The following SRGAP2 variants were observed in gnomAD, a reference collection of about 807,000 sequenced individuals.
SRGAP2 encodes the protein SLIT-ROBO Rho GTPase-activating protein 2.
In SRGAP2, 15 loss-of-function variants were observed where a neutral mutation model predicts 57.2. That is an observed-to-expected ratio of 0.26 (90% CI 0.18 to 0.40). SRGAP2 has a LOEUF of 0.40. Among genes scored for constraint, SRGAP2 ranks in the 10% least tolerant of loss-of-function variants. SRGAP2 has a pLI of 1.00. For synonymous variants in SRGAP2, 249 were observed against 248.0 expected (o/e 1.00, Z -0.04); for missense variants, 520 against 669.6 (o/e 0.78, Z 2.47).
intron 2 of SRGAP2, among the ~76,000 whole-genome samples, chr1:206,277,846 G>T (rs1670501231): frequency 6.6e-6 from 1 of 152,086 alleles, no homozygotes; most frequent in Non-Finnish European, 1.5e-5. Flanking sequence ...CGGCATGGTG[G>T]TGCACGCTTG....
At chr1:206,398,539 G>A (rs544629752) in intron 7 of SRGAP2, among the ~76,000 whole-genome samples, 69 of 152,074 alleles carry the variant, frequency 4.5e-4, no homozygotes, top group African/African-American at 1.3e-3. Flanking sequence ...GGCTTCACTG[G>A]CCCCATCTAC....
At chr1:206,353,796 A>G (rs1223680431) in intron 4 of SRGAP2, among the ~76,000 whole-genome samples, 1 of 145,200 alleles carries the variant, frequency 6.9e-6, no homozygotes, top group Non-Finnish European at 1.5e-5. Context: ...TTTTTATTTC[A>G]GATTTTTTTT....
rs564815525 is a variant in SRGAP2 at position 206,445,412 on chromosome 1, G to A, written c.1875-663G>A. On this transcript the variant is annotated intron_variant, in intron 17 of 22. Transcript: ENST00000573034. Reference sequence around the variant, plus strand: ...AGGAAGCCCGAGCAGAAGCCAAATGGCATGCTGACCTTTTCCTGAAAAAAT... The same window carrying A: ...AGGAAGCCCGAGCAGAAGCCAAATGACATGCTGACCTTTTCCTGAAAAAAT... Among the ~76,000 whole-genome samples the A allele has an allele frequency of 2.2e-4, 33 of 152,300 alleles. No individual in the cohort carries two copies. In the South Asian group the frequency reaches 6.8e-3, roughly 32 times the overall value.
intron 17 of SRGAP2, among the ~76,000 whole-genome samples, chr1:206,445,510 C>A (rs564114887): frequency 6.6e-6 from 1 of 152,336 alleles, no homozygotes; most frequent in South Asian, 2.1e-4. Flanking sequence ...GGAAGAAATT[C>A]ACTGGCTTGA....
intron 17 of SRGAP2, among the ~76,000 whole-genome samples, chr1:206,443,558 G>A (rs1445584622): frequency 6.6e-6 from 1 of 152,048 alleles, no homozygotes; most frequent in Non-Finnish European, 1.5e-5. Context: ...TGTATTTGTA[G>A]TAGAGACAGG....
intron 4 of SRGAP2, among the ~76,000 whole-genome samples, chr1:206,373,006 TTTCTTTCTTTC>T: frequency 8.3e-6 from 1 of 121,086 alleles, no homozygotes; most frequent in Non-Finnish European, 1.7e-5. Flanking sequence ...TCTTTCTTTC[TTTCTTTCTTTC>T]TTTCTTTCTT....
chr1:206,464,254 G>A lies in SRGAP2; in HGVS notation c.*2834G>A, dbSNP rs1301562007. The A allele has an allele frequency of 1.3e-5, 2 of 152,598 alleles. No individual in the cohort carries two copies. Among genetic ancestry groups the A allele is most frequent in the Admixed American group, 6.5e-5 (1 of 15,278 alleles). 9.5% of individuals were successfully genotyped at this position (152,598 alleles called of 1,614,324 possible). A position where few individuals can be genotyped will look rare whatever the true frequency, so the allele number is the denominator to read the frequency against. ...TCTTCCAGGGAATCGCAATGTTGTG[G>A]CGTCTGACTTGTATGTCACATTTGT... On this transcript the variant is annotated 3_prime_UTR_variant, in exon 23 of 23. Coordinates refer to ENST00000573034, the MANE Select transcript of SRGAP2 (RefSeq NM_015326.5).
At chr1:206,450,016 C>G (rs1663127582) in intron 18 of SRGAP2, among the ~76,000 whole-genome samples, 1 of 152,146 alleles carries the variant, frequency 6.6e-6, no homozygotes, top group Non-Finnish European at 1.5e-5. Flanking sequence ...ATGCCGAAAC[C>G]CAGTGTTTCC....
At chr1:206,429,304 A>G (rs1553367461) in intron 13 of SRGAP2, among the ~76,000 whole-genome samples, 1 of 152,108 alleles carries the variant, frequency 6.6e-6, no homozygotes, top group African/African-American at 2.4e-5. Flanking sequence ...CTTTATACCA[A>G]ACAAACCCTC....
intron 15 of SRGAP2, among the ~76,000 whole-genome samples, chr1:206,437,246 A>G (rs1191968410): frequency 6.6e-6 from 1 of 152,174 alleles, no homozygotes; most frequent in East Asian, 1.9e-4. Flanking sequence ...CTTCTTTCGT[A>G]GCCCTACCCA....
chr1:206,298,549 A>G (rs1268209990), intron 2 of SRGAP2, among the ~76,000 whole-genome samples: 1 of 152,156 alleles, frequency 6.6e-6, no homozygotes, highest in Non-Finnish European at 1.5e-5. Context: ...AAAGTGTACA[A>G]TTCAATTTTT....
intron 3 of SRGAP2, among the ~76,000 whole-genome samples, chr1:206,321,566 GT>G: frequency 1.0e-5 from 1 of 99,368 alleles, no homozygotes; most frequent in Middle Eastern, 3.8e-3. Flanking sequence ...CATTTTTCCA[GT>G]TTTCATCATT....
chr1:206,267,511 G>T (rs1217398492), intron 2 of SRGAP2, among the ~76,000 whole-genome samples: 1 of 150,322 alleles, frequency 6.7e-6, no homozygotes, highest in African/African-American at 2.5e-5. Flanking sequence ...CAGAAGCAAA[G>T]GACGATCCTC....
Position 206,281,925 on chromosome 1 carries a change from C to CA in SRGAP2, c.68-21347dup, listed in dbSNP as rs1286343549. On this transcript the variant is annotated intron_variant, in intron 2 of 22. Transcript: ENST00000573034. ...TGAGACTCCGTCACAAAAAAAAAAACAAAAAAAAACCTTTTCTTTGTTGGA... is the reference window on the plus strand; with the variant it reads ...TGAGACTCCGTCACAAAAAAAAAAACAAAAAAAAAACCTTTTCTTTGTTGGA... Among the ~76,000 whole-genome samples the CA allele has an allele frequency of 2.4e-4, 32 of 135,484 alleles. 2 individuals carry two copies. The highest frequency in any genetic ancestry group is 8.0e-4 in the East Asian group (4 of 4,982). 88.9% of individuals were successfully genotyped at this position (135,484 alleles called of 152,430 possible).
rs1300762654 is a variant in SRGAP2 at position 206,286,348 on chromosome 1, T to C, written c.68-16933T>C. 6.5e-3 allele frequency among the ~76,000 whole-genome samples: 986 copies of C among 152,324 alleles called. 12 individuals carry two copies. Among genetic ancestry groups the C allele is most frequent in the African/African-American group, 0.023 (954 of 41,570 alleles). The stretch of plus-strand genomic sequence containing the variant: ...CTTTTTTAATTTCTAAAGGAATAAC[T>C]CTTGCTTATTTTTTTTAAAAAGTAA... On this transcript the variant is annotated intron_variant, in intron 2 of 22. Transcript: ENST00000573034.
chr1:206,458,046 C>T (rs1217030450), intron 21 of SRGAP2, among the ~76,000 whole-genome samples: 1 of 152,184 alleles, frequency 6.6e-6, no homozygotes, highest in Non-Finnish European at 1.5e-5. Flanking sequence ...GGTATTTCCA[C>T]ACTAAGAAAA....
At chr1:206,448,111 C>T (rs1662931063) in intron 18 of SRGAP2, among the ~76,000 whole-genome samples, 1 of 152,146 alleles carries the variant, frequency 6.6e-6, no homozygotes, top group Non-Finnish European at 1.5e-5. Context: ...CTCTCCTCTC[C>T]CTTCTTTGGG....
intron 4 of SRGAP2, among the ~76,000 whole-genome samples, chr1:206,358,956 G>A (rs1386772107): frequency 6.6e-6 from 1 of 151,584 alleles, no homozygotes; most frequent in Non-Finnish European, 1.5e-5. Flanking sequence ...GAGTCGTACA[G>A]ACAATTTGTT....
intron 3 of SRGAP2, among the ~76,000 whole-genome samples, chr1:206,339,356 T>C (rs1443092421): frequency 1.3e-5 from 2 of 151,418 alleles, no homozygotes; most frequent in East Asian, 3.9e-4. Flanking sequence ...TGTCAAGTTA[T>C]AGGCTCACCT....
Sources: allele counts gnomAD v4.1 joint callset (sites outside exome capture counted in the v4.1 genomes callset), GRCh38; gene constraint gnomAD v4.1.1; transcripts MANE v1.5; gene names NCBI Gene and HGNC (gene_info 2026-07-23, HGNC 2026-07-21).